The following RDX variants were observed in gnomAD, a reference collection of about 807,000 sequenced individuals.
The protein encoded by RDX is radixin, also known as deafness, autosomal recessive 24.
A neutral mutation model predicts 83.7 loss-of-function variants in RDX; 32 were observed. The ratio of observed to expected loss-of-function variants is 0.38; its 90% confidence interval spans 0.29 to 0.51. The LOEUF (loss-of-function observed/expected upper bound fraction) is 0.51, where lower values mean the gene tolerates loss of function less well. RDX is among the 20% of genes least tolerant of loss of function. The pLI is 0.87. For missense variants in RDX, 600 were observed against 689.9 expected, an observed-to-expected ratio of 0.87 and a Z score of 1.46; for synonymous variants, 229 against 222.7, an observed-to-expected ratio of 1.03 and a Z score of -0.25.
chr11:110,265,424 C>T (rs1484754985), intron 3 of RDX, among the ~76,000 whole-genome samples: 1 of 151,702 alleles, frequency 6.6e-6, no homozygotes, highest in Admixed American at 6.6e-5. Context: ...TCACTTCAAT[C>T]CTCTTACTTG....
intron 14 of RDX, among the ~76,000 whole-genome samples, chr11:110,210,986 TA>T (rs1223116031): frequency 1.3e-5 from 2 of 150,816 alleles, no homozygotes; most frequent in African/African-American, 4.9e-5. Flanking sequence ...AATTCACACA[TA>T]ACAATATTCA....
intron 1 of RDX, among the ~76,000 whole-genome samples, chr11:110,283,617 T>A (rs1033263268): frequency 6.6e-5 from 10 of 152,082 alleles, no homozygotes; most frequent in African/African-American, 2.4e-4. Context: ...CCCAGCACTT[T>A]GAGAGCCTGA....
chr11:110,199,654 C>G, exon 15 of RDX: 2 of 703,034 alleles, frequency 2.8e-6, no homozygotes, highest in Non-Finnish European at 2.6e-6. Flanking sequence ...GCATCTGGAA[C>G]AATGCATACA....
downstream of RDX, chr11:110,229,307 A>C (rs572782375): frequency 2.0e-5 from 3 of 152,390 alleles, no homozygotes; most frequent in African/African-American, 7.2e-5. Flanking sequence ...TCGGGGAAAG[A>C]GTAGATCTAT....
At chr11:110,177,923 C>A (rs1177449714) in intron 15 of RDX, among the ~76,000 whole-genome samples, 3 of 152,054 alleles carry the variant, frequency 2.0e-5, no homozygotes, top group Non-Finnish European at 4.4e-5. Context: ...GTGCCCTCCC[C>A]GACACTCCCC....
At chr11:110,266,293 A>G (rs1468838657) in intron 3 of RDX, among the ~76,000 whole-genome samples, 1 of 152,080 alleles carries the variant, frequency 6.6e-6, no homozygotes. Context: ...AGATCGTGCC[A>G]CTGCACTCCA....
chr11:110,239,016 C>T (rs566710495), intron 10 of RDX, among the ~76,000 whole-genome samples: 78 of 150,332 alleles, frequency 5.2e-4, no homozygotes, highest in African/African-American at 1.8e-3. Context: ...GTTAGGCTCA[C>T]GCCTGTAATC....
chr11:110,253,871 T>TA (rs998499562), intron 9 of RDX, 75 bp downstream of exon 9: 1 of 1,294,988 alleles, frequency 7.7e-7, no homozygotes, highest in Middle Eastern at 1.8e-4. Context: ...AAGGTACATT[T>TA]AAAAAACTGA....
intron 5 of RDX, among the ~76,000 whole-genome samples, chr11:110,258,984 G>A (rs1026330163): frequency 6.8e-6 from 1 of 146,016 alleles, no homozygotes; most frequent in African/African-American, 2.5e-5. Context: ...TGATTCTCCT[G>A]TCTCAACCTC....
intron 2 of RDX, among the ~76,000 whole-genome samples, chr11:110,277,842 TTC>T (rs1161288389): frequency 6.6e-6 from 1 of 152,218 alleles, no homozygotes; most frequent in African/African-American, 2.4e-5. Context: ...GGTTCAAATT[TTC>T]TGTGTATTAC....
At chr11:110,201,903 T>TTGTGTGTGTGTGTGTGTGTG (rs141731309) in intron 14 of RDX, among the ~76,000 whole-genome samples, 8 of 137,220 alleles carry the variant, frequency 5.8e-5, no homozygotes, top group Non-Finnish European at 9.4e-5. Flanking sequence ...CCGGCTAATT[T>TTGTGTGTGTGTGTGTGTGTG]TGTGTGTGTG....
At chr11:110,228,537 G>A (rs955080091), downstream of RDX, among the ~76,000 whole-genome samples, 2 of 152,018 alleles carry the variant, frequency 1.3e-5, no homozygotes, top group Non-Finnish European at 2.9e-5. Context: ...TAATGCTAAA[G>A]TTAGTAATCC....
chr11:110,199,181 C>G (rs1299433845), intron 15 of RDX, among the ~76,000 whole-genome samples: 2 of 152,154 alleles, frequency 1.3e-5, no homozygotes, highest in African/African-American at 4.8e-5. Flanking sequence ...AGAGAACTTG[C>G]ACCATAATAC....
At chr11:110,239,059 G>A (rs1034184874) in intron 10 of RDX, among the ~76,000 whole-genome samples, 5 of 151,642 alleles carry the variant, frequency 3.3e-5, no homozygotes, top group South Asian at 2.1e-4. Context: ...TGGGAAGACC[G>A]CTTGAGGCCA....
chr11:110,199,124 AT>A (rs1243220109), intron 15 of RDX, among the ~76,000 whole-genome samples: 4 of 152,012 alleles, frequency 2.6e-5, no homozygotes, highest in Admixed American at 2.0e-4. Context: ...CTGAATATGG[AT>A]TTTTTAAAAA....
intron 1 of RDX, among the ~76,000 whole-genome samples, chr11:110,287,415 C>G (rs146902233): frequency 6.6e-6 from 1 of 152,160 alleles, no homozygotes. Context: ...CTAATGTTGT[C>G]TATACTCATA....
At chr11:110,236,265 T>C (rs964512979) in intron 11 of RDX, 74 bp from the exon 12 acceptor site, 1 of 1,095,644 alleles carries the variant, frequency 9.1e-7, no homozygotes, top group Non-Finnish European at 1.4e-6. Flanking sequence ...AAAGTTTTAA[T>C]GCACATGCTT....
rs573296856 is a variant in RDX at position 110,207,619 on chromosome 11, C to CT, written c.1749-7942dup. Among the ~76,000 whole-genome samples, 1,092 of 149,170 alleles carry CT rather than the reference C, an allele frequency of 7.3e-3. 21 individuals are homozygous for CT. Among genetic ancestry groups the CT allele is most frequent in the African/African-American group, 0.023 (922 of 40,798 alleles). On this transcript the variant is annotated intron_variant, in intron 14 of 15. Transcript: ENST00000528498. ...AATGTGATTTAAGAATGTTTTTTAC[C>CT]TTTTTTTTTTAAACAAATCAGAGGA...
chr11:110,258,814 A>C (rs1041294835), intron 5 of RDX, among the ~76,000 whole-genome samples: 1 of 150,460 alleles, frequency 6.6e-6, no homozygotes, highest in Non-Finnish European at 1.5e-5. Context: ...CCCCCAAATA[A>C]CTTGTTTTTG....
Sources: gnomAD v4.1 joint callset for allele counts (sites outside exome capture counted in the v4.1 genomes callset) on GRCh38, gnomAD v4.1.1 for gene constraint, MANE v1.5 for transcripts, NCBI Gene and HGNC (gene_info 2026-07-23, HGNC 2026-07-21) for gene names.